The following CNTN5 variants were observed in gnomAD, a reference collection of about 807,000 sequenced individuals.
CNTN5 encodes the protein contactin 5.
CNTN5 carries 77 observed loss-of-function variants against 129.1 expected under a neutral mutation model. The ratio of observed to expected loss-of-function variants is 0.60; its 90% CI spans 0.50 to 0.72. CNTN5 has a LOEUF of 0.72. Among genes scored for constraint, CNTN5 ranks in the 30% least tolerant of loss-of-function variants. The pLI is 0.00. For missense variants in CNTN5, 1,478 were observed against 1,328.8 expected, an observed-to-expected ratio of 1.11 and a Z score of -1.75; for synonymous variants, 509 against 465.6, an observed-to-expected ratio of 1.09 and a Z score of -1.20.
At chr11:99,590,845 G>A (rs757584238) in intron 3 of CNTN5, among the ~76,000 whole-genome samples, 1 of 152,156 alleles carries the variant, frequency 6.6e-6, no homozygotes, top group Admixed American at 6.5e-5. Flanking sequence ...AGGGATGCTA[G>A]CATTAAGAAA....
intron 2 of CNTN5, among the ~76,000 whole-genome samples, chr11:99,341,739 C>T (rs1025260133): frequency 4.6e-5 from 7 of 152,054 alleles, no homozygotes; most frequent in South Asian, 4.1e-4. Context: ...CTTACAAGAA[C>T]GTTTTTTACT....
intron 21 of CNTN5, among the ~76,000 whole-genome samples, chr11:100,334,794 G>C (rs540511145): frequency 6.6e-6 from 1 of 152,054 alleles, no homozygotes; most frequent in African/African-American, 2.4e-5. Context: ...GTAATGGGTG[G>C]CAAGGGATAA....
intron 6 of CNTN5, among the ~76,000 whole-genome samples, chr11:99,850,787 G>T (rs189832209): frequency 6.6e-6 from 1 of 151,946 alleles, no homozygotes. Context: ...AACATGTAAA[G>T]GAATCTAACA....
At chr11:99,828,093 C>A (rs1249558060) in intron 4 of CNTN5, among the ~76,000 whole-genome samples, 1 of 152,012 alleles carries the variant, frequency 6.6e-6, no homozygotes, top group African/African-American at 2.4e-5. Flanking sequence ...ATGTATTATA[C>A]TTTCTATTTG....
In CNTN5 at chr11:99,956,801, TTCAG is replaced by T; in HGVS notation, c.674-4_674-1del. ...TTTCGTTGACCAAATTTTGTGTATT[TTCAG>T]AGATCATCTATAGCTGGGTATTTAA... On this transcript the variant is annotated splice_acceptor_variant and splice_polypyrimidine_tract_variant and intron_variant, in intron 7 of 24. Coordinates refer to ENST00000524871, the MANE Select transcript of CNTN5 (RefSeq NM_014361.4). LOFTEE classifies it high-confidence loss of function. The T allele has an allele frequency of 6.2e-7, 1 of 1,612,584 alleles. No homozygotes were observed. The highest frequency in any genetic ancestry group is 8.5e-7 in the Non-Finnish European group (1 of 1,179,078).
At chr11:99,236,469 AACACAC>A (rs33985126) in intron 1 of CNTN5, among the ~76,000 whole-genome samples, 100,182 of 150,000 alleles carry the variant, frequency 0.67, 33,619 homozygotes, top group East Asian at 0.74. Context: ...CTCACACACA[AACACAC>A]ACACACACAC....
intron 3 of CNTN5, among the ~76,000 whole-genome samples, chr11:99,813,916 A>G (rs1036498917): frequency 4.6e-5 from 7 of 152,178 alleles, no homozygotes; most frequent in African/African-American, 1.7e-4. Flanking sequence ...AGATCTTATA[A>G]AAGTTCAAGG....
At chr11:99,558,824 C>T (rs938672279) in intron 3 of CNTN5, among the ~76,000 whole-genome samples, 1 of 152,044 alleles carries the variant, frequency 6.6e-6, no homozygotes, top group Admixed American at 6.5e-5. Flanking sequence ...TGTACAATTG[C>T]TACATGGGAT....
chr11:100,224,113 G>C (rs1949321911), intron 15 of CNTN5, among the ~76,000 whole-genome samples: 1 of 152,058 alleles, frequency 6.6e-6, no homozygotes. Context: ...CAAAGATTCA[G>C]GCTGACCCTG....
intron 18 of CNTN5, among the ~76,000 whole-genome samples, chr11:100,285,209 G>GTATAT (rs2138834235): frequency 6.6e-6 from 1 of 152,264 alleles, no homozygotes; most frequent in African/African-American, 2.4e-5. Flanking sequence ...TCATGAAAAA[G>GTATAT]TATATTTTTT....
intron 21 of CNTN5, among the ~76,000 whole-genome samples, chr11:100,329,162 C>T (rs1333927431): frequency 1.3e-5 from 2 of 152,084 alleles, no homozygotes; most frequent in East Asian, 1.9e-4. Context: ...GCTGGGTTTT[C>T]CCTACTTCCC....
At chr11:100,253,390 T>C (rs933041135) in intron 16 of CNTN5, among the ~76,000 whole-genome samples, 3 of 152,158 alleles carry the variant, frequency 2.0e-5, no homozygotes, top group Non-Finnish European at 2.9e-5. Context: ...AATAAGGTTA[T>C]TGACTAAATA....
chr11:99,615,418 T>C (rs926873559), intron 3 of CNTN5, among the ~76,000 whole-genome samples: 17 of 152,110 alleles, frequency 1.1e-4, no homozygotes, highest in South Asian at 4.1e-4. Flanking sequence ...AGAATTTTTA[T>C]TGAAAATTTA....
At chr11:99,488,774 G>A (rs562407874) in intron 2 of CNTN5, among the ~76,000 whole-genome samples, 29 of 152,136 alleles carry the variant, frequency 1.9e-4, no homozygotes, top group Non-Finnish European at 3.7e-4. Flanking sequence ...TTCTAACTTT[G>A]CCACATGCTG....
chr11:99,293,703 T>A (rs1565468501), intron 1 of CNTN5, among the ~76,000 whole-genome samples: 1 of 152,128 alleles, frequency 6.6e-6, no homozygotes, highest in Non-Finnish European at 1.5e-5. Flanking sequence ...ATTTTTTTGG[T>A]GTACGGTTGT....
intron 3 of CNTN5, among the ~76,000 whole-genome samples, chr11:99,716,778 A>G (rs888789775): frequency 2.6e-5 from 4 of 152,132 alleles, no homozygotes; most frequent in African/African-American, 7.2e-5. Flanking sequence ...GACATAATAT[A>G]TTCCAAGAAT....
intron 16 of CNTN5, among the ~76,000 whole-genome samples, chr11:100,238,297 C>G (rs1207429977): frequency 6.7e-6 from 1 of 149,996 alleles, no homozygotes; most frequent in East Asian, 2.0e-4. Context: ...CCCAACCAAT[C>G]AGTATAGCAT....
At chr11:100,042,176 T>A (rs1340992530) in intron 9 of CNTN5, among the ~76,000 whole-genome samples, 1 of 151,982 alleles carries the variant, frequency 6.6e-6, no homozygotes, top group Non-Finnish European at 1.5e-5. Context: ...TTTTGTGTAT[T>A]ATGTAGATAG....
chr11:100,162,581 C>G (rs1325173479), intron 13 of CNTN5, among the ~76,000 whole-genome samples: 1 of 151,754 alleles, frequency 6.6e-6, no homozygotes, highest in Non-Finnish European at 1.5e-5. Flanking sequence ...TCTGCTTAAG[C>G]TATTGCTTTT....
Sources: gnomAD v4.1 joint callset for allele counts (sites outside exome capture counted in the v4.1 genomes callset) on GRCh38, gnomAD v4.1.1 for gene constraint, MANE v1.5 for transcripts, NCBI Gene and HGNC (gene_info 2026-07-23, HGNC 2026-07-21) for gene names.